Variants in RBCK1 observed in about 807,000 individuals in gnomAD.
RBCK1 encodes the protein RANBP2-type and C3HC4-type zinc finger containing 1.
In RBCK1, 44 loss-of-function variants were observed where a neutral mutation model predicts 71.1. The observed-to-expected ratio is 0.62, with a 90% CI of 0.49 to 0.80. The LOEUF (loss-of-function observed/expected upper bound fraction) is 0.80. RBCK1 is among the 30% of genes least tolerant of loss of function. The pLI is 0.00. For synonymous variants in RBCK1, 306 were observed against 279.7 expected (o/e 1.09, Z -0.94); for missense variants, 569 against 685.0 (o/e 0.83, Z 1.89).
At chr20:425,860 C>T (rs909304375) in intron 8 of RBCK1, among the ~76,000 whole-genome samples, 1 of 151,912 alleles carries the variant, frequency 6.6e-6, no homozygotes, top group Non-Finnish European at 1.5e-5. Context: ...CTCCTGACCT[C>T]GTGATGCGCC....
In RBCK1 at chr20:408,519, C is replaced by T; in HGVS notation, c.-239C>T. 1 of 601,946 alleles carries T rather than the reference C, an allele frequency of 1.7e-6. No homozygotes were observed. Among genetic ancestry groups the T allele is most frequent in the Non-Finnish European group, 3.0e-6 (1 of 337,080 alleles). The allele number at this position is 601,946 out of a possible 1,614,324, so 37.3% of individuals were successfully genotyped here. A position where few individuals can be genotyped will look rare whatever the true frequency, so the allele number is the denominator to read the frequency against. On this transcript the variant is annotated 5_prime_UTR_variant, in exon 1 of 12. Coordinates refer to ENST00000356286, the MANE Select transcript of RBCK1 (RefSeq NM_031229.4). ...GTTTCCTCCTGCGCCCAGTGCGGACCTGTCTCGGCGCCCGCTGCCCTCTCA... is the reference window on the plus strand; with the variant it reads ...GTTTCCTCCTGCGCCCAGTGCGGACTTGTCTCGGCGCCCGCTGCCCTCTCA...
At position 430,245 on chromosome 20, in the gene RBCK1, G is replaced by GC; in HGVS notation, c.1453-104dup. The stretch of plus-strand genomic sequence containing the variant: ...AGCTGAGGCTGACCAGGCCATTCTT[G>GC]CAGGAGGACCTGCAGAGGCAAAGGC... On this transcript the variant is annotated intron_variant, in intron 11 of 11. Coordinates refer to ENST00000356286, the MANE Select transcript of RBCK1 (RefSeq NM_031229.4). The surrounding 1 kb of genome is among the most constrained non-coding windows in gnomAD (Gnocchi z 5.6). 4 of 996,670 alleles carry GC rather than the reference G, an allele frequency of 4.0e-6. No individual in the cohort carries two copies. Among genetic ancestry groups the GC allele is most frequent in the Non-Finnish European group, 6.1e-6 (4 of 652,102 alleles). 61.7% of individuals were successfully genotyped at this position (996,670 alleles called of 1,614,324 possible).
In RBCK1 at chr20:430,386, G is replaced by A. The variant is rs371527119; in HGVS notation, c.1489G>A (p.Val497Ile). The A allele has an allele frequency of 2.4e-5, 39 of 1,613,658 alleles. No homozygotes were observed. Among genetic ancestry groups the A allele is most frequent in the Non-Finnish European group, 3.2e-5 (38 of 1,179,676 alleles). ...CACCAGCGGGGGCTGCCGCTGCAGGGTAAATGGGATTCCTTGCCACCCAAG... is the reference window on the plus strand; with the variant it reads ...CACCAGCGGGGGCTGCCGCTGCAGGATAAATGGGATTCCTTGCCACCCAAG... ...GDTSGGCRCRVNGIPCHPSCQ... is the reference protein window; with the variant it reads ...GDTSGGCRCRINGIPCHPSCQ... The change falls in exon 12 of 12, where the codon GTA (valine) becomes ATA (isoleucine). Residue 497 changes from valine to isoleucine, a missense_variant. Val to Ile is a conservative substitution (Grantham distance 29). Coordinates refer to ENST00000356286, the MANE Select transcript of RBCK1 (RefSeq NM_031229.4). The surrounding 1 kb of genome is among the most constrained non-coding windows in gnomAD (Gnocchi z 5.6).
chr20:419,277 G>A (rs1374616604), intron 4 of RBCK1, 70 bp from the exon 5 acceptor site: 6 of 1,595,146 alleles, frequency 3.8e-6, no homozygotes, highest in African/African-American at 1.3e-5. Flanking sequence ...CTGGCTCAGG[G>A]AGACCCACCC....
intron 1 of RBCK1, among the ~76,000 whole-genome samples, 164 bp downstream of exon 1, chr20:408,943 G>C (rs2015536608): frequency 6.6e-6 from 1 of 152,228 alleles, no homozygotes. Flanking sequence ...CTGGCTTCCA[G>C]AGCCATCTTG....
In RBCK1 at chr20:419,338, C is replaced by T; in HGVS notation, c.461-9C>T. 2 of 1,611,670 alleles carry T rather than the reference C, an allele frequency of 1.2e-6. No individual in the cohort carries two copies. The highest frequency in any genetic ancestry group is 1.7e-6 in the Non-Finnish European group (2 of 1,179,796). ...CGTGGAACCACCACCCTTTAACCCT[C>T]CTCCACAGATCTGGGCTTCAAGGAC... is the stretch of plus-strand genomic sequence containing the variant. On this transcript the variant is annotated splice_polypyrimidine_tract_variant and intron_variant, in intron 4 of 11. Coordinates refer to ENST00000356286, the MANE Select transcript of RBCK1 (RefSeq NM_031229.4).
intron 8 of RBCK1, among the ~76,000 whole-genome samples, chr20:423,473 G>T (rs1218741745): frequency 6.6e-6 from 1 of 152,070 alleles, no homozygotes; most frequent in Non-Finnish European, 1.5e-5. Context: ...CCACACTGGA[G>T]AATTCAGCAA....
At position 431,567 on chromosome 20, in the gene RBCK1, A is replaced by ATCAT. The variant is rs2017015877; in HGVS notation, c.*1138_*1141dup. Among the ~76,000 whole-genome samples the ATCAT allele has an allele frequency of 6.6e-6, 1 of 152,146 alleles. No individual in the cohort carries two copies. Among genetic ancestry groups the ATCAT allele is most frequent in the Admixed American group, 6.5e-5 (1 of 15,278 alleles). ...TTGTCCACGCTGTGACGTGACCATC[A>ATCAT]TCATAGCAGGCAGAGGGCGCCTCTG... On this transcript the variant is annotated 3_prime_UTR_variant, in exon 12 of 12. Transcript: ENST00000356286. The surrounding 1 kb of genome is among the most constrained non-coding windows in gnomAD (Gnocchi z 4.8).
chr20:422,790 C>T lies in RBCK1; in HGVS notation c.1029+552C>T, dbSNP rs1460191754. 6.6e-6 allele frequency among the ~76,000 whole-genome samples: 1 copy of T among 151,972 alleles called. No homozygotes were observed. The highest frequency in any genetic ancestry group is 1.5e-5 in the Non-Finnish European group (1 of 68,014). ...AAGGTTGCAGTGAGCTGTGATTGTG[C>T]CACTGCACTCCAGCCTGGGCAACAG... is the stretch of plus-strand genomic sequence containing the variant. On this transcript the variant is annotated intron_variant, in intron 8 of 11. Transcript: ENST00000356286. This position sits in a 1 kb window ranked among gnomAD's most constrained non-coding sequence, Gnocchi z 5.0.
At position 417,644 on chromosome 20, in the gene RBCK1, A is replaced by T. The variant is rs1234447454; in HGVS notation, c.261+25A>T. ...GGTGAGTGAGGAGGCGGAGGGCGAC[A>T]CTGGGGTGAAGGCTCTCCCTTTCAC... On this transcript the variant is annotated intron_variant, in intron 3 of 11. Transcript: ENST00000356286. The surrounding 1 kb of genome is among the most constrained non-coding windows in gnomAD (Gnocchi z 4.7). 6.2e-7 allele frequency: 1 copy of T among 1,609,774 alleles called. No homozygotes were observed. The highest frequency in any genetic ancestry group is 8.5e-7 in the Non-Finnish European group (1 of 1,176,446).
At chr20:410,108 C>T (rs1021809812) in intron 2 of RBCK1, 83 bp downstream of exon 2, 12 of 1,461,148 alleles carry the variant, frequency 8.2e-6, no homozygotes, top group Middle Eastern at 3.9e-4. Context: ...CCTAATGGCA[C>T]GTTCTGGCTT....
chr20:413,790 G>C (rs1049822011), intron 2 of RBCK1, among the ~76,000 whole-genome samples: 1 of 150,584 alleles, frequency 6.6e-6, no homozygotes, highest in African/African-American at 2.4e-5. Flanking sequence ...AATGATACCT[G>C]TTGTATGTGT....
chr20:422,306 G>T lies in RBCK1; in HGVS notation c.1029+68G>T, dbSNP rs1240652201. On this transcript the variant is annotated intron_variant, in intron 8 of 11. Coordinates refer to ENST00000356286, the MANE Select transcript of RBCK1 (RefSeq NM_031229.4). The surrounding 1 kb of genome is among the most constrained non-coding windows in gnomAD (Gnocchi z 5.0). ...TAAGGAACTGGGCCCTGAGCAGGCA[G>T]CAGACATCTTTCTTTTCTTTCTTTT... 2 of 1,277,290 alleles carry T rather than the reference G, an allele frequency of 1.6e-6. No individual in the cohort carries two copies. The highest frequency in any genetic ancestry group is 2.2e-6 in the Non-Finnish European group (2 of 894,766). The allele number at this position is 1,277,290 out of a possible 1,614,324, so 79.1% of individuals were successfully genotyped here.
At chr20:423,281 C>A (rs1216543190) in intron 8 of RBCK1, among the ~76,000 whole-genome samples, 2 of 152,088 alleles carry the variant, frequency 1.3e-5, no homozygotes, top group African/African-American at 4.8e-5. Context: ...CCTGGGCAAC[C>A]AGAGCGAAAC....
rs757431852 is a variant in RBCK1, at chr20:430,465, C to T, written c.*35C>T. 1.3e-6 allele frequency: 2 copies of T among 1,553,272 alleles called. No individual in the cohort carries two copies. Among genetic ancestry groups the T allele is most frequent in the Non-Finnish European group, 1.8e-6 (2 of 1,124,840 alleles). On this transcript the variant is annotated 3_prime_UTR_variant, in exon 12 of 12. Transcript: ENST00000356286. This position sits in a 1 kb window ranked among gnomAD's most constrained non-coding sequence, Gnocchi z 5.6. ...GGTGGGGCCACATGCTGACCCAGCC[C>T]CACATCCACATTCTGTTAGAATGTA... is the stretch of plus-strand genomic sequence containing the variant.
chr20:422,159 A>G lies in RBCK1; in HGVS notation c.950A>G (p.Gln317Arg). The G allele has an allele frequency of 2.5e-6, 4 of 1,612,936 alleles. No homozygotes were observed. Among genetic ancestry groups the G allele is most frequent in the Non-Finnish European group, 3.4e-6 (4 of 1,179,882 alleles). ...ECLQGTIRNS[Q>R]EAEVSCPFID... ...CTGCAGGGCACCATCCGCAACAGCC[A>G]GGAGGCGGAGGTCTCCTGCCCCTTC... The change falls in exon 8 of 12, where the codon CAG becomes CGG. Residue 317 changes from glutamine (Q) to arginine (R), a missense_variant. By Grantham distance (43) the Gln-to-Arg change is conservative. Around this residue, in one of 2 missense-constraint regions of RBCK1, gnomAD observed 211 missense variants for 309.4 expected, o/e 0.68. Coordinates refer to ENST00000356286, the MANE Select transcript of RBCK1 (RefSeq NM_031229.4). The surrounding 1 kb of genome is among the most constrained non-coding windows in gnomAD (Gnocchi z 5.0).
At position 419,718 on chromosome 20, in the gene RBCK1, G is replaced by A. The variant is rs1385885540; in HGVS notation, c.743G>A (p.Arg248His). ...ARLAGEEEAL[R>H]QYQQRKQQQQ... ...CTGGCGGGCGAGGAGGAGGCGCTGC[G>A]TCAGTACCAGCAGGTGGGCGGGAAA... The change falls in exon 6 of 12, where the codon CGT (arginine) becomes CAT (histidine). Residue 248 changes from arginine (R) to histidine (H), a missense_variant. Physicochemically the swap from Arg to His is conservative, Grantham distance 29. Coordinates refer to ENST00000356286, the MANE Select transcript of RBCK1 (RefSeq NM_031229.4). The A allele has an allele frequency of 7.0e-6, 11 of 1,560,804 alleles. No individual in the cohort carries two copies. In the Admixed American group the frequency reaches 7.5e-5, roughly 11 times the overall value.
rs2016876190 is a variant in RBCK1 at position 428,946 on chromosome 20, T to G, written c.1309-5T>G. The G allele has an allele frequency of 6.2e-7, 1 of 1,605,318 alleles. No homozygotes were observed. The highest frequency in any genetic ancestry group is 8.5e-7 in the Non-Finnish European group (1 of 1,178,350). ...GCCCCAGGGCCAGCACCTGCCCCAC[T>G]CCAGGTGATGCTGCAGCAGGGCGAG... On this transcript the variant is annotated splice_region_variant and splice_polypyrimidine_tract_variant and intron_variant, in intron 10 of 11. Transcript: ENST00000356286. This position sits in a 1 kb window ranked among gnomAD's most constrained non-coding sequence, Gnocchi z 5.7.
In RBCK1 at chr20:422,108, T is replaced by TTCCCC. The variant is rs1294346070; in HGVS notation, c.918-7_918-3dup. 2 of 1,599,476 alleles carry TTCCCC rather than the reference T, an allele frequency of 1.3e-6. No homozygotes were observed. The highest frequency in any genetic ancestry group is 1.7e-6 in the Non-Finnish European group (2 of 1,171,404). ...GGGGGTTCCTATGATCCTAACTCTT[T>TTCCCC]TCCCCTCCCCTCCCCTAGGGAGTGC... On this transcript the variant is annotated intron_variant, in intron 7 of 11. Coordinates refer to ENST00000356286, the MANE Select transcript of RBCK1 (RefSeq NM_031229.4). This position sits in a 1 kb window ranked among gnomAD's most constrained non-coding sequence, Gnocchi z 5.0.
Sources: gnomAD v4.1 joint callset for allele counts (sites outside exome capture counted in the v4.1 genomes callset) on GRCh38, gnomAD v4.1.1 for gene constraint, gnomAD v4.1.1 regional missense constraint, Gnocchi (gnomAD v3.1) non-coding constraint, MANE v1.5 for transcripts, NCBI Gene and HGNC (gene_info 2026-07-23, HGNC 2026-07-21) for gene names.